ZNF451: variants seen among roughly 807,000 people sequenced by gnomAD.
ZNF451 encodes E3 SUMO-protein ligase ZNF451.
Under a neutral mutation model 107.1 loss-of-function variants are expected in ZNF451, and 80 were observed. That is an observed-to-expected ratio of 0.75 (90% confidence interval 0.62 to 0.90). The LOEUF is 0.90. Ranked by LOEUF, ZNF451 falls within the 40% of genes least tolerant of loss-of-function variation. The pLI is 0.00. For missense variants in ZNF451, 1,107 were observed against 1,236.2 expected (o/e 0.90, Z 1.57); for synonymous variants, 362 against 406.5 (o/e 0.89, Z 1.32).
chr6:57,144,803 G>A (rs184147018), intron 9 of ZNF451, among the ~76,000 whole-genome samples: 18 of 151,996 alleles, frequency 1.2e-4, no homozygotes, highest in African/African-American at 3.4e-4. Flanking sequence ...GGTGGTGAGC[G>A]CCTGTAATCC....
At chr6:57,101,474 A>G in intron 3 of ZNF451, 1 of 1,550,982 alleles carries the variant, frequency 6.4e-7, no homozygotes, top group Non-Finnish European at 8.7e-7. Flanking sequence ...GAAGCATTAG[A>G]ACACAGCAAA....
chr6:57,137,944 A>G (rs893538598), intron 7 of ZNF451, among the ~76,000 whole-genome samples: 3 of 152,062 alleles, frequency 2.0e-5, no homozygotes, highest in Non-Finnish European at 4.4e-5. Context: ...ATTTCTTTTC[A>G]TTGCCAAATA....
intron 3 of ZNF451, chr6:57,116,434 C>G (rs1830374390): frequency 6.6e-6 from 1 of 152,176 alleles, no homozygotes; most frequent in African/African-American, 2.4e-5. Flanking sequence ...ACTTGTAGCC[C>G]CAGCTACTCG....
chr6:57,168,380 G>A, intron 14 of ZNF451, 43 bp from the exon 15 acceptor site: 1 of 1,414,038 alleles, frequency 7.1e-7, no homozygotes, highest in Non-Finnish European at 9.9e-7. Context: ...CACATGTTGA[G>A]TTTTCTGCCC....
At chr6:57,137,013 C>T (rs1831462745) in intron 7 of ZNF451, among the ~76,000 whole-genome samples, 1 of 152,122 alleles carries the variant, frequency 6.6e-6, no homozygotes, top group Non-Finnish European at 1.5e-5. Context: ...GTTACTGAAT[C>T]TGTGAGTTTA....
At chr6:57,156,960 T>TCACCTGCTGCTCAC (rs1763456561) in intron 13 of ZNF451, among the ~76,000 whole-genome samples, 1 of 152,196 alleles carries the variant, frequency 6.6e-6, no homozygotes, top group Non-Finnish European at 1.5e-5. Flanking sequence ...TAATGCTGGC[T>TCACCTGCTGCTCAC]CACCTGCTGC....
chr6:57,119,787 CTTTCTA>C (rs1243603399), intron 3 of ZNF451, among the ~76,000 whole-genome samples: 4 of 151,552 alleles, frequency 2.6e-5, no homozygotes, highest in African/African-American at 9.7e-5. Context: ...ATAAGATATA[CTTTCTA>C]TTTCTTTCTA....
intron 5 of ZNF451, among the ~76,000 whole-genome samples, chr6:57,132,197 T>TA (rs1433952554): frequency 6.6e-6 from 1 of 152,194 alleles, no homozygotes; most frequent in Non-Finnish European, 1.5e-5. Context: ...ATAAATGTGT[T>TA]ATCCCTTACA....
intron 14 of ZNF451, 143 bp from the exon 15 acceptor site, chr6:57,168,280 A>G (rs1161194171): frequency 1.8e-6 from 1 of 555,240 alleles, no homozygotes; most frequent in African/African-American, 2.0e-5. Context: ...TTTTTAGTAG[A>G]GAAACTGCCA....
chr6:57,151,086 G>T, intron 11 of ZNF451: 1 of 455,142 alleles, frequency 2.2e-6, no homozygotes, highest in Non-Finnish European at 3.7e-6. Context: ...TTTTGGCCGG[G>T]CGCGGTGGCT....
chr6:57,106,201 A>G, intron 3 of ZNF451: 2 of 985,282 alleles, frequency 2.0e-6, no homozygotes, highest in East Asian at 1.1e-4. Flanking sequence ...TGGACATGAC[A>G]TTCATTATTC....
In ZNF451 at chr6:57,090,243, C is replaced by T. The variant is rs112262439; in HGVS notation, c.-11C>T. 6.2e-7 allele frequency: 1 copy of T among 1,610,526 alleles called. No homozygotes were observed. Among genetic ancestry groups the T allele is most frequent in the African/African-American group, 1.3e-5 (1 of 74,880 alleles). On this transcript the variant is annotated 5_prime_UTR_variant, in exon 1 of 15. Coordinates refer to ENST00000370706, the MANE Select transcript of ZNF451 (RefSeq NM_001031623.3). ...AGGAGCAGTGGTGCTGTCAGCGCGG[C>T]CGTCGGAGACATGGGAGACCCGGGG...
At chr6:57,123,554 T>C (rs1230045169) in intron 3 of ZNF451, among the ~76,000 whole-genome samples, 1 of 152,098 alleles carries the variant, frequency 6.6e-6, no homozygotes, top group Non-Finnish European at 1.5e-5. Context: ...AAAAACTTCC[T>C]ATTGGATACT....
chr6:57,129,225 A>G lies in ZNF451; in HGVS notation c.424+385A>G, dbSNP rs763233364. Among the ~76,000 whole-genome samples the G allele has an allele frequency of 2.0e-5, 3 of 152,268 alleles. No homozygotes were observed. The South Asian group carries it at 6.2e-4, about 32-fold the overall frequency. On this transcript the variant is annotated intron_variant, in intron 5 of 14. Transcript: ENST00000370706. ...ACTGAGATCTAGAGGATTCATGTTT[A>G]TTTATTTATTCATCAGTGCAGCCTA...
In ZNF451 at chr6:57,148,296, T is replaced by A. The variant is rs1404928885; in HGVS notation, c.2211T>A (p.Asp737Glu). 1.2e-6 allele frequency: 2 copies of A among 1,613,980 alleles called. No individual in the cohort carries two copies. The part of the protein sequence containing the change: ...SYICKVNRKE[D>E]YSRCLQIMLD... ...TCTGTAAAGTCAACAGAAAAGAAGA[T>A]TATAGCAGATGTCTCCAAATCATGC... is the stretch of plus-strand genomic sequence containing the variant. Residue 737 changes from aspartate (D) to glutamate (E), a missense_variant, in exon 10 of 15, where the codon GAT becomes GAA. Asp to Glu is a conservative substitution (Grantham distance 45, BLOSUM62 2). Coordinates refer to ENST00000370706, the MANE Select transcript of ZNF451 (RefSeq NM_001031623.3).
chr6:57,124,036 ATGT>A (rs1830779485), intron 3 of ZNF451, among the ~76,000 whole-genome samples: 1 of 152,134 alleles, frequency 6.6e-6, no homozygotes, highest in Non-Finnish European at 1.5e-5. Context: ...TTCTAGTACA[ATGT>A]TGTGAGTGGC....
At chr6:57,108,262 G>T in intron 3 of ZNF451, 1 of 985,422 alleles carries the variant, frequency 1.0e-6, no homozygotes, top group Non-Finnish European at 1.2e-6. Flanking sequence ...AGCTATCATA[G>T]TACTGTTTTC....
Position 57,110,267 on chromosome 6 carries a change from A to T in ZNF451, c.186+11126A>T, listed in dbSNP as rs536526292. ...AGAAATGAAGGAGACTAAATAGATG[A>T]TGATAAATTATCTGTGAATATGTAC... is the stretch of plus-strand genomic sequence containing the variant. On this transcript the variant is annotated intron_variant, in intron 3 of 14. Transcript: ENST00000370706. Among the ~76,000 whole-genome samples the T allele has an allele frequency of 2.6e-5, 4 of 152,316 alleles. No individual in the cohort carries two copies. In the South Asian group the frequency reaches 8.3e-4, roughly 32 times the overall value.
At position 57,128,107 on chromosome 6, in the gene ZNF451, T is replaced by A. The variant is rs554726595; in HGVS notation, c.313-622T>A. Among the ~76,000 whole-genome samples the A allele has an allele frequency of 3.3e-5, 5 of 152,308 alleles. No homozygotes were observed. In the East Asian group the frequency reaches 9.6e-4, roughly 29 times the overall value. On this transcript the variant is annotated intron_variant, in intron 4 of 14. Coordinates refer to ENST00000370706, the MANE Select transcript of ZNF451 (RefSeq NM_001031623.3). The stretch of plus-strand genomic sequence containing the variant: ...CTTGGTCTAGATGGCAACAAATGCT[T>A]TACACTGGCACATATTAAGTGCTAA...
Sources: gnomAD v4.1 joint callset for allele counts (sites outside exome capture counted in the v4.1 genomes callset) on GRCh38, gnomAD v4.1.1 for gene constraint, MANE v1.5 for transcripts, NCBI Gene and HGNC (gene_info 2026-07-23, HGNC 2026-07-21) for gene names.